AHDC1: variants seen among roughly 807,000 people sequenced by gnomAD.
AHDC1 encodes the protein AT-hook DNA binding motif containing 1.
Under a neutral mutation model 87.9 loss-of-function variants are expected in AHDC1, and 7 were observed. The ratio of observed to expected loss-of-function variants is 0.08; its 90% CI spans 0.05 to 0.15. The LOEUF is 0.15. Ranked by LOEUF, AHDC1 falls within the 10% of genes least tolerant of loss-of-function variation. The pLI is 1.00. For synonymous variants in AHDC1, 1,051 were observed against 1,006.8 expected, an observed-to-expected ratio of 1.04 and a Z score of -0.83; for missense variants, 1,841 against 2,253.2, an observed-to-expected ratio of 0.82 and a Z score of 3.70.
intron 8 of AHDC1, among the ~76,000 whole-genome samples, chr1:27,539,782 G>A (rs1457301958): frequency 2.6e-5 from 4 of 152,138 alleles, no homozygotes; most frequent in African/African-American, 4.8e-5. Context: ...ACTGACCAGA[G>A]GTGCTCCTTA....
At chr1:27,588,756 C>T (rs1479168670) in intron 3 of AHDC1, among the ~76,000 whole-genome samples, 5 of 152,054 alleles carry the variant, frequency 3.3e-5, no homozygotes, top group Non-Finnish European at 5.9e-5. Context: ...GGGAAGTATG[C>T]AAACATGTAC....
intron 3 of AHDC1, among the ~76,000 whole-genome samples, chr1:27,569,922 CCT>C (rs1467551228): frequency 2.0e-5 from 3 of 152,056 alleles, no homozygotes; most frequent in African/African-American, 4.8e-5. Context: ...ACTGTGATGC[CCT>C]GAGTCTGGCT....
At chr1:27,543,537 C>A (rs1410469965) in intron 8 of AHDC1, among the ~76,000 whole-genome samples, 6 of 152,224 alleles carry the variant, frequency 3.9e-5, no homozygotes, top group African/African-American at 1.2e-4. Context: ...GCCCAGAATG[C>A]CCTTCCCCCG....
At position 27,562,901 on chromosome 1, in the gene AHDC1, G is replaced by C. The variant is rs562925377; in HGVS notation, c.-628-4018C>G. On this transcript the variant is annotated intron_variant, in intron 3 of 8. Transcript: ENST00000673934. This position sits in a 1 kb window ranked among gnomAD's most constrained non-coding sequence, Gnocchi z 4.4. The stretch of plus-strand genomic sequence containing the variant: ...TGACATCTCACACACACAACAGCCA[G>C]AGACAGGCGCACAAGTTGGTGACAA... 4.6e-5 allele frequency among the ~76,000 whole-genome samples: 7 copies of C among 152,246 alleles called. No homozygotes were observed. The East Asian group carries it at 1.2e-3, about 25-fold the overall frequency.
intron 3 of AHDC1, among the ~76,000 whole-genome samples, chr1:27,567,228 T>A (rs1037745350): frequency 6.6e-6 from 1 of 152,150 alleles, no homozygotes; most frequent in African/African-American, 2.4e-5. Flanking sequence ...AGCAAGATTG[T>A]GAATTCAGGA....
intron 3 of AHDC1, among the ~76,000 whole-genome samples, chr1:27,566,718 TG>T (rs1216315554): frequency 3.3e-5 from 2 of 60,066 alleles, no homozygotes; most frequent in African/African-American, 6.8e-5. Flanking sequence ...TTGCCAGAAC[TG>T]GGGGGGGACA....
At chr1:27,543,822 G>A (rs745529744) in intron 8 of AHDC1, among the ~76,000 whole-genome samples, 24 of 152,090 alleles carry the variant, frequency 1.6e-4, no homozygotes, top group Non-Finnish European at 2.5e-4. Context: ...GTGCGCCCCT[G>A]TAATCCCAGC....
intron 3 of AHDC1, among the ~76,000 whole-genome samples, chr1:27,564,026 T>C (rs1171966468): frequency 1.3e-5 from 2 of 152,136 alleles, no homozygotes; most frequent in African/African-American, 2.4e-5. Flanking sequence ...GGGAAGAGTA[T>C]GGGATAATGG....
intron 8 of AHDC1, among the ~76,000 whole-genome samples, chr1:27,545,372 C>A (rs765387090): frequency 1.3e-5 from 2 of 152,018 alleles, no homozygotes; most frequent in South Asian, 4.2e-4. Flanking sequence ...AACTCACAGC[C>A]CTGAGTGGGG....
chr1:27,549,079 T>C lies in AHDC1; in HGVS notation c.3037A>G (p.Ser1013Gly). The change falls in exon 8 of 9, where the codon AGC (serine) becomes GGC (glycine). Residue 1013 changes from serine to glycine, a missense_variant. Ser to Gly is a moderately conservative substitution (Grantham distance 56). Coordinates refer to ENST00000673934, the MANE Select transcript of AHDC1 (RefSeq NM_001371928.1). ...GCATAGCCGGCGCTGTGGGCGCTGC[T>C]GGGTGAGGCAGGGAGGCTGTTGCCA... ...GSGNSLPASPSSAHSAGYAPP... is the reference protein window; with the variant it reads ...GSGNSLPASPGSAHSAGYAPP... The C allele has an allele frequency of 1.9e-6, 3 of 1,561,542 alleles. No individual in the cohort carries two copies. The highest frequency in any genetic ancestry group is 1.7e-6 in the Non-Finnish European group (2 of 1,153,568).
rs78031596 is a variant in AHDC1 at position 27,574,687 on chromosome 1, C to G, written c.-628-15804G>C. Among the ~76,000 whole-genome samples the G allele has an allele frequency of 5.4e-3, 823 of 152,288 alleles. 10 individuals carry two copies. Among genetic ancestry groups the G allele is most frequent in the African/African-American group, 0.017 (708 of 41,548 alleles). On this transcript the variant is annotated intron_variant, in intron 3 of 8. Transcript: ENST00000673934. ...GTCCACCATCAGATGGGGAAGATGC[C>G]TGCTGAGTTGCCAAAAGGTTCATCA...
rs1466697469 is a variant in AHDC1 at position 27,551,796 on chromosome 1, G to A, written c.320C>T (p.Ser107Phe). 1 of 1,612,938 alleles carries A rather than the reference G, an allele frequency of 6.2e-7. No homozygotes were observed. The highest frequency in any genetic ancestry group is 1.3e-5 in the African/African-American group (1 of 74,858). The change falls in exon 8 of 9, where the codon TCC (serine) becomes TTC (phenylalanine). Residue 107 changes from serine to phenylalanine, a missense_variant. By Grantham distance (155) the Ser-to-Phe change is radical (BLOSUM62 -2). Around this residue, in one of 13 missense-constraint regions of AHDC1, gnomAD observed 142 missense variants for 165.6 expected, o/e 0.86. Transcript: ENST00000673934. ...CPTPVGDGSS[S>F]RRCWDNGRVN... ...CCGCCCGTTGTCCCAGCAGCGTCGG[G>A]AGCTGCTGCCGTCTCCGACCGGTGT...
Position 27,548,291 on chromosome 1 carries a change from C to T in AHDC1, c.3825G>A (p.Arg1275=), listed in dbSNP as rs2019301130. The change falls in exon 8 of 9, where the codon CGG becomes CGA. Residue 1275 remains arginine, a synonymous_variant. Coordinates refer to ENST00000673934, the MANE Select transcript of AHDC1 (RefSeq NM_001371928.1). ...STGPRQPRGG[R]GGGACSAKKE... is the part of the protein sequence containing the mutation. ...TCTTGGCTGAGCAGGCCCCACCGCCCCGTCCACCTCGCGGCTGCCGGGGCC... is the reference window on the plus strand; with the variant it reads ...TCTTGGCTGAGCAGGCCCCACCGCCTCGTCCACCTCGCGGCTGCCGGGGCC... 1 of 1,606,772 alleles carries T rather than the reference C, an allele frequency of 6.2e-7. No individual in the cohort carries two copies. Among genetic ancestry groups the T allele is most frequent in the African/African-American group, 1.3e-5 (1 of 74,844 alleles).
rs377088504 is a variant in AHDC1, at chr1:27,602,761, G to A, written c.-629+636C>T. Among the ~76,000 whole-genome samples, 7 of 152,122 alleles carry A rather than the reference G, an allele frequency of 4.6e-5. No individual in the cohort carries two copies. The South Asian group carries it at 8.3e-4, about 18-fold the overall frequency. ...AGCCGACTTTGTTCGCCAGGTAACC[G>A]GGCACGCGGCCCAACCCCTCCAGCC... On this transcript the variant is annotated intron_variant, in intron 3 of 8. Transcript: ENST00000673934.
chr1:27,600,273 T>C (rs1218434154), intron 3 of AHDC1, among the ~76,000 whole-genome samples: 2 of 151,952 alleles, frequency 1.3e-5, no homozygotes, highest in East Asian at 2.0e-4. Flanking sequence ...CCATCCTGGC[T>C]TCCGCCTCCC....
chr1:27,602,995 C>CG (rs928642712), intron 3 of AHDC1, among the ~76,000 whole-genome samples: 1 of 142,978 alleles, frequency 7.0e-6, no homozygotes, highest in Non-Finnish European at 1.5e-5. Context: ...TTCCCCCCCC[C>CG]CCCACATTCT....
chr1:27,555,245 G>C (rs1006707340), intron 5 of AHDC1, among the ~76,000 whole-genome samples: 1 of 152,348 alleles, frequency 6.6e-6, no homozygotes, highest in Middle Eastern at 3.4e-3. Context: ...CTGGGAATCT[G>C]TATTTTTAAC....
chr1:27,571,393 A>G (rs571928292), intron 3 of AHDC1, among the ~76,000 whole-genome samples: 5 of 152,310 alleles, frequency 3.3e-5, no homozygotes, highest in African/African-American at 1.2e-4. Flanking sequence ...AGGCTGGGAC[A>G]AAGAGCCTGG....
At chr1:27,541,628 G>GTT (rs1315812535) in intron 8 of AHDC1, among the ~76,000 whole-genome samples, 16 of 118,044 alleles carry the variant, frequency 1.4e-4, no homozygotes, top group African/African-American at 1.3e-4. Context: ...CCATGTGGAG[G>GTT]TTTTTTTTTT....
Sources: gnomAD v4.1 joint callset for allele counts (sites outside exome capture counted in the v4.1 genomes callset) on GRCh38, gnomAD v4.1.1 for gene constraint, gnomAD v4.1.1 regional missense constraint, Gnocchi (gnomAD v3.1) non-coding constraint, MANE v1.5 for transcripts, NCBI Gene and HGNC (gene_info 2026-07-23, HGNC 2026-07-21) for gene names.